The following DCC variants were observed in gnomAD, a reference collection of about 807,000 sequenced individuals.
The protein encoded by DCC is netrin receptor DCC.
In DCC, 58 loss-of-function variants were observed where a neutral mutation model predicts 172.5. The observed-to-expected ratio is 0.34, with a 90% confidence interval of 0.27 to 0.42. The LOEUF is 0.42. Among genes scored for constraint, DCC ranks in the 10% least tolerant of loss-of-function variants. The pLI is 1.00. For synonymous variants in DCC, 709 were observed against 644.5 expected, an observed-to-expected ratio of 1.10 and a Z score of -1.52; for missense variants, 1,740 against 1,791.0, an observed-to-expected ratio of 0.97 and a Z score of 0.51.
At chr18:53,076,740 T>C (rs7227950) in intron 7 of DCC, among the ~76,000 whole-genome samples, 26,890 of 152,120 alleles carry the variant, frequency 0.18, 3,308 homozygotes, top group East Asian at 0.37. Flanking sequence ...TCTAACCTTT[T>C]CAGAAGAGAA....
intron 1 of DCC, among the ~76,000 whole-genome samples, chr18:52,623,215 G>A (rs2034512693): frequency 6.6e-6 from 1 of 152,208 alleles, no homozygotes; most frequent in African/African-American, 2.4e-5. Flanking sequence ...ACATGAGGAA[G>A]AAATACTACA....
chr18:53,342,885 T>A (rs1173865131), intron 15 of DCC, among the ~76,000 whole-genome samples: 3 of 124,218 alleles, frequency 2.4e-5, no homozygotes, highest in Non-Finnish European at 5.5e-5. Context: ...TTGAATTATT[T>A]TAAATAGAAC....
At chr18:52,543,001 T>C (rs1568220738) in intron 1 of DCC, among the ~76,000 whole-genome samples, 1 of 152,226 alleles carries the variant, frequency 6.6e-6, no homozygotes, top group Admixed American at 6.5e-5. Flanking sequence ...GAATTCAAAC[T>C]AGAGGTTAAG....
intron 8 of DCC, among the ~76,000 whole-genome samples, chr18:53,173,387 T>C (rs1422399616): frequency 6.6e-6 from 1 of 152,182 alleles, no homozygotes; most frequent in Non-Finnish European, 1.5e-5. Flanking sequence ...AACATATCTT[T>C]CATTTTACAA....
intron 12 of DCC, among the ~76,000 whole-genome samples, chr18:53,244,478 G>A (rs545269327): frequency 6.6e-6 from 1 of 152,132 alleles, no homozygotes; most frequent in Non-Finnish European, 1.5e-5. Flanking sequence ...TTGTGATTTT[G>A]TGTGTTGACT....
At chr18:52,892,755 A>C (rs2039669470) in intron 2 of DCC, among the ~76,000 whole-genome samples, 1 of 152,170 alleles carries the variant, frequency 6.6e-6, no homozygotes, top group Non-Finnish European at 1.5e-5. Flanking sequence ...TCAGTAGAGA[A>C]GGTTGAAAAT....
chr18:53,093,098 A>T (rs1051113476), intron 7 of DCC, among the ~76,000 whole-genome samples: 1 of 152,120 alleles, frequency 6.6e-6, no homozygotes, highest in Non-Finnish European at 1.5e-5. Flanking sequence ...CCTGGCCAAC[A>T]TGGTGAAACC....
intron 27 of DCC, among the ~76,000 whole-genome samples, chr18:53,502,450 TAGAAAA>T (rs2046113508): frequency 1.3e-5 from 2 of 152,184 alleles, no homozygotes; most frequent in Non-Finnish European, 1.5e-5. Flanking sequence ...CTTATTCTGA[TAGAAAA>T]AGAAAATTAG....
chr18:53,120,379 A>G (rs1189638771), intron 7 of DCC, among the ~76,000 whole-genome samples: 2 of 151,748 alleles, frequency 1.3e-5, no homozygotes, highest in East Asian at 3.9e-4. Flanking sequence ...CATATATTAG[A>G]CAATTTGTAA....
chr18:53,465,751 TTTTATTTATTTA>T (rs3061298), intron 24 of DCC, among the ~76,000 whole-genome samples: 13 of 151,422 alleles, frequency 8.6e-5, no homozygotes, highest in African/African-American at 2.9e-4. Context: ...TTTCTATTCT[TTTTATTTATTTA>T]TTTATTTATT....
In DCC at chr18:53,178,839, G is replaced by C. The variant is rs891167378; in HGVS notation, c.1419-123G>C. ...GTCTGAGGTCTTGAATTATGTCCCA[G>C]AGTCAACATTAGATGAGTGAGCAAC... On this transcript the variant is annotated intron_variant, in intron 8 of 28. Coordinates refer to ENST00000442544, the MANE Select transcript of DCC (RefSeq NM_005215.4). 5 of 900,584 alleles carry C rather than the reference G, an allele frequency of 5.6e-6. No individual in the cohort carries two copies. The African/African-American group carries it at 6.5e-5, about 12-fold the overall frequency. The allele number at this position is 900,584 out of a possible 1,614,324, so 55.8% of individuals were successfully genotyped here.
chr18:52,870,377 C>T (rs989507549), intron 2 of DCC, among the ~76,000 whole-genome samples: 3 of 152,190 alleles, frequency 2.0e-5, no homozygotes, highest in African/African-American at 7.2e-5. Context: ...CGCACCTTCC[C>T]ACAGCAGCTG....
chr18:53,448,441 A>T (rs1912768891), intron 22 of DCC, among the ~76,000 whole-genome samples: 1 of 152,218 alleles, frequency 6.6e-6, no homozygotes. Context: ...CTATCACAAG[A>T]CCAGCATGCG....
At chr18:52,861,544 A>G (rs2039142296) in intron 2 of DCC, among the ~76,000 whole-genome samples, 1 of 152,240 alleles carries the variant, frequency 6.6e-6, no homozygotes, top group Admixed American at 6.5e-5. Flanking sequence ...AAGGGTAAAT[A>G]TTTCAGTTTT....
chr18:53,114,755 A>AG (rs1353783766), intron 7 of DCC, among the ~76,000 whole-genome samples: 4 of 151,632 alleles, frequency 2.6e-5, no homozygotes, highest in Non-Finnish European at 5.9e-5. Flanking sequence ...AGACCAGGCC[A>AG]GGGCTATAGA....
chr18:52,596,053 G>A (rs1372324975), intron 1 of DCC, among the ~76,000 whole-genome samples: 4 of 152,146 alleles, frequency 2.6e-5, no homozygotes, highest in South Asian at 4.1e-4. Context: ...AGCTTTTATG[G>A]AATGGTATGT....
At position 52,577,686 on chromosome 18, in the gene DCC, C is replaced by T. The variant is rs575517598; in HGVS notation, c.92-174368C>T. 9.2e-5 allele frequency among the ~76,000 whole-genome samples: 14 copies of T among 152,270 alleles called. No homozygotes were observed. In the South Asian group the frequency reaches 2.9e-3, roughly 32 times the overall value. On this transcript the variant is annotated intron_variant, in intron 1 of 28. Coordinates refer to ENST00000442544, the MANE Select transcript of DCC (RefSeq NM_005215.4). ...AAGGCTTGTAATTTAGAGCTTAGAG[C>T]AATCTCTAAGGAAAGAAAAATGCAG...
chr18:53,066,353 G>GTATGTATGTATA (rs1202896480), intron 7 of DCC, among the ~76,000 whole-genome samples, 187 bp downstream of exon 7: 5 of 94,616 alleles, frequency 5.3e-5, no homozygotes, highest in South Asian at 3.6e-4. Context: ...GTACATGTGT[G>GTATGTATGTATA]TATATATATA....
chr18:52,970,355 GTT>G (rs2041010488), intron 5 of DCC, among the ~76,000 whole-genome samples: 1 of 151,984 alleles, frequency 6.6e-6, no homozygotes, highest in South Asian at 2.1e-4. Flanking sequence ...TAATTTATCT[GTT>G]ATAATCATTT....
Sources: allele counts gnomAD v4.1 joint callset (sites outside exome capture counted in the v4.1 genomes callset), GRCh38; gene constraint gnomAD v4.1.1; transcripts MANE v1.5; gene names NCBI Gene and HGNC (gene_info 2026-07-23, HGNC 2026-07-21).